Variants in TRIT1 observed in about 807,000 individuals in gnomAD.
TRIT1 encodes tRNA dimethylallyltransferase.
A neutral mutation model predicts 51.2 loss-of-function variants in TRIT1; 43 were observed. That is an observed-to-expected ratio of 0.84 (90% CI 0.66 to 1.08). The LOEUF is 1.08. TRIT1 is among the 50% of genes least tolerant of loss of function. TRIT1 has a pLI of 0.00. For missense variants in TRIT1, 528 were observed against 578.4 expected, an observed-to-expected ratio of 0.91 and a Z score of 0.89; for synonymous variants, 184 against 203.9, an observed-to-expected ratio of 0.90 and a Z score of 0.83.
intron 1 of TRIT1, among the ~76,000 whole-genome samples, chr1:39,879,294 A>G (rs1644167219): frequency 6.6e-6 from 1 of 151,746 alleles, no homozygotes; most frequent in Admixed American, 6.6e-5. Flanking sequence ...AAAACTCCCT[A>G]CTGATTGAAC....
chr1:39,876,559 T>C (rs1353376594), intron 1 of TRIT1, among the ~76,000 whole-genome samples: 1 of 111,754 alleles, frequency 8.9e-6, no homozygotes, highest in Non-Finnish European at 2.4e-5. Flanking sequence ...TATCTATCTA[T>C]ATATATATAT....
chr1:39,872,972 G>T (rs1643928438), intron 1 of TRIT1, among the ~76,000 whole-genome samples: 1 of 152,124 alleles, frequency 6.6e-6, no homozygotes, highest in African/African-American at 2.4e-5. Context: ...TAGGACATCT[G>T]CATAGCCTGA....
At chr1:39,872,752 A>AACACACACACAC (rs61554657) in intron 1 of TRIT1, among the ~76,000 whole-genome samples, 2,896 of 135,032 alleles carry the variant, frequency 0.021, 94 homozygotes, top group East Asian at 0.13. Context: ...GGAAGTACTA[A>AACACACACACAC]ACACACACAC....
intron 1 of TRIT1, among the ~76,000 whole-genome samples, chr1:39,879,310 A>G (rs1557589368): frequency 6.6e-6 from 1 of 152,006 alleles, no homozygotes; most frequent in Admixed American, 6.6e-5. Context: ...TGAACCCCAC[A>G]GCCCCTGGTC....
At chr1:39,865,672 A>C (rs1293239338) in intron 1 of TRIT1, among the ~76,000 whole-genome samples, 11 of 85,850 alleles carry the variant, frequency 1.3e-4, no homozygotes, top group African/African-American at 7.0e-4. Flanking sequence ...CTGTCTCTAC[A>C]AAAAAAAAAA....
At chr1:39,869,820 C>T (rs1394934589) in intron 1 of TRIT1, among the ~76,000 whole-genome samples, 2 of 152,104 alleles carry the variant, frequency 1.3e-5, no homozygotes, top group Non-Finnish European at 2.9e-5. Flanking sequence ...TGAGGAGCCC[C>T]TCCGCCCGGC....
chr1:39,866,093 A>AAAGGAAGGAAGGAAGG (rs150669999), intron 1 of TRIT1, among the ~76,000 whole-genome samples: 34 of 147,546 alleles, frequency 2.3e-4, no homozygotes, highest in African/African-American at 8.0e-4. Flanking sequence ...AGGAAAGAAG[A>AAAGGAAGGAAGGAAGG]AAGGAAGGAA....
intron 3 of TRIT1, among the ~76,000 whole-genome samples, 168 bp from the exon 4 acceptor site, chr1:39,853,044 C>T (rs568942663): frequency 7.2e-5 from 11 of 152,242 alleles, no homozygotes; most frequent in African/African-American, 2.6e-4. Context: ...TGCTATGAGG[C>T]CACAGCAAAC....
intron 1 of TRIT1, among the ~76,000 whole-genome samples, chr1:39,863,336 G>A (rs995690731): frequency 6.6e-6 from 1 of 152,122 alleles, no homozygotes; most frequent in Non-Finnish European, 1.5e-5. Context: ...GTGGTGGCAC[G>A]TGCCTCCCGG....
rs145359484 is a variant in TRIT1, at chr1:39,848,085, C to T, written c.716G>A (p.Arg239His). The T allele has an allele frequency of 2.6e-5, 42 of 1,613,904 alleles. No individual in the cohort carries two copies. Among genetic ancestry groups the T allele is most frequent in the Non-Finnish European group, 3.1e-5 (37 of 1,179,898 alleles). Residue 239 changes from arginine to histidine, a missense_variant, in exon 6 of 11, where the codon CGC becomes CAC. Transcript: ENST00000316891. ...CATGTCATCCACCCTCTTATCCAAG[C>T]GCTCATCTAGAACTTGAATCAAATT... ...LHADQAVLDE[R>H]LDKRVDDMLA...
chr1:39,882,798 T>G (rs1249754328), intron 1 of TRIT1, among the ~76,000 whole-genome samples: 4 of 152,178 alleles, frequency 2.6e-5, no homozygotes, highest in African/African-American at 7.2e-5. Context: ...TGATCCGAAG[T>G]CACATGGCCA....
Position 39,883,465 on chromosome 1 carries a change from T to C in TRIT1, c.27A>G (p.Ala9=), listed in dbSNP as rs199592345. The part of the protein sequence containing the change: MASVAAAR[A]VPVGSGLRGL... ...CCCTGAGCCCACTGCCCACGGGAAC[T>C]GCTCGTGCAGCCGCCACGGACGCCA... The change falls in exon 1 of 11, where the codon GCA becomes GCG. Residue 9 remains alanine (A), a synonymous_variant. Coordinates refer to ENST00000316891, the MANE Select transcript of TRIT1 (RefSeq NM_017646.6). The C allele has an allele frequency of 4.4e-6, 7 of 1,597,588 alleles. No homozygotes were observed. In the Admixed American group the frequency reaches 5.0e-5, roughly 11 times the overall value.
At chr1:39,849,260 A>C (rs10789048) in intron 5 of TRIT1, among the ~76,000 whole-genome samples, 86,216 of 152,032 alleles carry the variant, frequency 0.57, 26,584 homozygotes, top group African/African-American at 0.83. Flanking sequence ...AGAATTGGGA[A>C]ACAGAAAGGT....
At chr1:39,846,087 C>T (rs1642206605) in intron 8 of TRIT1, among the ~76,000 whole-genome samples, 1 of 152,214 alleles carries the variant, frequency 6.6e-6, no homozygotes, top group South Asian at 2.1e-4. Flanking sequence ...CACTGAGCTT[C>T]AACTTCAGAT....
intron 1 of TRIT1, among the ~76,000 whole-genome samples, chr1:39,858,979 G>A (rs1056700558): frequency 1.3e-5 from 2 of 152,054 alleles, no homozygotes; most frequent in Non-Finnish European, 2.9e-5. Context: ...GAGGCCGGAC[G>A]CAGTGGTTCA....
intron 5 of TRIT1, among the ~76,000 whole-genome samples, chr1:39,849,425 C>G (rs1472874576): frequency 6.6e-6 from 1 of 152,120 alleles, no homozygotes; most frequent in African/African-American, 2.4e-5. Flanking sequence ...CATAGGCTAC[C>G]TTTGCAAACT....
At chr1:39,877,019 CAAAAAAAAAAAAAAAAA>C (rs529375001) in intron 1 of TRIT1, among the ~76,000 whole-genome samples, 1 of 74,602 alleles carries the variant, frequency 1.3e-5, no homozygotes, top group Non-Finnish European at 2.5e-5. Context: ...AATGGGTCTT[CAAAAAAAAAAAAAAAAA>C]AAAAAAAACA....
rs3033562 is a variant in TRIT1, at chr1:39,859,260, CAAAAAAAAAAAAAAA to C, written c.175-1858_175-1844del. Among the ~76,000 whole-genome samples the C allele has an allele frequency of 7.4e-4, 14 of 19,030 alleles. No individual in the cohort carries two copies. The South Asian group carries it at 0.022, about 29-fold the overall frequency. The allele number at this position is 19,030 out of a possible 152,430, so 12.5% of individuals were successfully genotyped here. On this transcript the variant is annotated intron_variant, in intron 1 of 10. Transcript: ENST00000316891. The stretch of plus-strand genomic sequence containing the variant: ...AACAGAGTGAGACTCGACTCCGTCT[CAAAAAAAAAAAAAAA>C]AAAAAAAAAAAAAAAAAAAAACGAA...
intron 1 of TRIT1, among the ~76,000 whole-genome samples, chr1:39,860,405 T>G (rs906653066): frequency 6.6e-6 from 1 of 152,232 alleles, no homozygotes; most frequent in African/African-American, 2.4e-5. Flanking sequence ...TGAAAACTTC[T>G]GAGCACCAAA....
Sources: gnomAD v4.1 joint callset for allele counts (sites outside exome capture counted in the v4.1 genomes callset) on GRCh38, gnomAD v4.1.1 for gene constraint, MANE v1.5 for transcripts, NCBI Gene and HGNC (gene_info 2026-07-23, HGNC 2026-07-21) for gene names.